Variants in CDK14 observed in about 807,000 individuals in gnomAD.
The protein encoded by CDK14 is cyclin-dependent kinase 14.
CDK14 carries 34 observed loss-of-function variants against 60.7 expected under a neutral mutation model. The observed-to-expected ratio is 0.56, with a 90% confidence interval of 0.43 to 0.75. The LOEUF (loss-of-function observed/expected upper bound fraction) is 0.75, where lower values mean the gene tolerates loss of function less well. Among genes scored for constraint, CDK14 ranks in the 30% least tolerant of loss-of-function variants. The pLI is 0.00. For missense variants in CDK14, 482 were observed against 564.1 expected (o/e 0.85, Z 1.47); for synonymous variants, 197 against 203.7 (o/e 0.97, Z 0.28).
intron 5 of CDK14, among the ~76,000 whole-genome samples, chr7:90,843,570 G>A (rs1790369884): frequency 6.6e-6 from 1 of 152,148 alleles, no homozygotes; most frequent in African/African-American, 2.4e-5. Context: ...ATCCTGGAAA[G>A]CACTTGATCT....
intron 14 of CDK14, among the ~76,000 whole-genome samples, chr7:91,177,499 A>T (rs964016830): frequency 6.6e-6 from 1 of 152,134 alleles, no homozygotes; most frequent in East Asian, 1.9e-4. Flanking sequence ...GTATTCAATT[A>T]GGAAAAGAGG....
At chr7:90,823,017 CA>C (rs953613227) in intron 5 of CDK14, among the ~76,000 whole-genome samples, 5 of 152,100 alleles carry the variant, frequency 3.3e-5, no homozygotes, top group Non-Finnish European at 7.4e-5. Flanking sequence ...ATAAACTCTT[CA>C]GTGAACAGGG....
chr7:91,043,096 G>A (rs964568022), intron 10 of CDK14, among the ~76,000 whole-genome samples: 1 of 152,186 alleles, frequency 6.6e-6, no homozygotes, highest in African/African-American at 2.4e-5. Context: ...AATTGAAAAA[G>A]AAAAGTCTAA....
chr7:90,809,797 A>G lies in CDK14; in HGVS notation c.544+19145A>G, dbSNP rs575223856. On this transcript the variant is annotated intron_variant, in intron 5 of 14. Coordinates refer to ENST00000380050, the MANE Select transcript of CDK14 (RefSeq NM_001287135.2). ...AAATGATAAAGGGGATATCACCACC[A>G]ATCCCACAGAAATGCAGACTACCAT... 1.3e-4 allele frequency among the ~76,000 whole-genome samples: 20 copies of G among 152,294 alleles called. No individual in the cohort carries two copies. The South Asian group carries it at 4.2e-3, about 32-fold the overall frequency.
chr7:91,110,895 T>C (rs1242132420), intron 12 of CDK14, among the ~76,000 whole-genome samples: 2 of 152,342 alleles, frequency 1.3e-5, no homozygotes, highest in East Asian at 3.9e-4. Flanking sequence ...GCGTTTGATT[T>C]TTTAAAAATA....
At chr7:90,665,015 C>T (rs1800946218) in intron 2 of CDK14, among the ~76,000 whole-genome samples, 1 of 152,102 alleles carries the variant, frequency 6.6e-6, no homozygotes, top group South Asian at 2.1e-4. Context: ...GGCAAGGTGG[C>T]TCACACCTGT....
intron 2 of CDK14, among the ~76,000 whole-genome samples, chr7:90,696,786 C>T (rs1368867423): frequency 6.6e-6 from 1 of 152,074 alleles, no homozygotes; most frequent in Non-Finnish European, 1.5e-5. Context: ...CCCAAGGTCC[C>T]CATCCTGGGA....
intron 14 of CDK14, among the ~76,000 whole-genome samples, chr7:91,143,950 T>A (rs1229999150): frequency 6.6e-6 from 1 of 152,136 alleles, no homozygotes; most frequent in Non-Finnish European, 1.5e-5. Flanking sequence ...TAGAAAGAGG[T>A]CATGTTGTTG....
intron 5 of CDK14, among the ~76,000 whole-genome samples, chr7:90,813,810 A>G (rs1789238141): frequency 6.6e-6 from 1 of 152,218 alleles, no homozygotes; most frequent in African/African-American, 2.4e-5. Flanking sequence ...CGAAGAATGT[A>G]AAACAAACAA....
chr7:90,885,529 C>G (rs1257392307), intron 6 of CDK14, among the ~76,000 whole-genome samples: 1 of 152,070 alleles, frequency 6.6e-6, no homozygotes, highest in Non-Finnish European at 1.5e-5. Context: ...GATCTAGAAC[C>G]AGAAGTACCA....
At chr7:91,129,797 G>C (rs1301979057) in intron 14 of CDK14, among the ~76,000 whole-genome samples, 3 of 152,136 alleles carry the variant, frequency 2.0e-5, no homozygotes, top group Non-Finnish European at 4.4e-5. Context: ...AATGAGATTG[G>C]TGGTAATATA....
chr7:90,786,564 A>T (rs1353479860), intron 4 of CDK14, among the ~76,000 whole-genome samples: 1 of 152,156 alleles, frequency 6.6e-6, no homozygotes, highest in East Asian at 1.9e-4. Context: ...TATCTTTAAA[A>T]ATTTCCATTT....
intron 9 of CDK14, among the ~76,000 whole-genome samples, chr7:90,959,378 A>G (rs1024667796): frequency 6.6e-6 from 1 of 152,144 alleles, no homozygotes; most frequent in African/African-American, 2.4e-5. Flanking sequence ...TTATTATCCT[A>G]TAAGTCAAAT....
intron 14 of CDK14, among the ~76,000 whole-genome samples, chr7:91,145,979 T>G (rs1373787020): frequency 6.6e-6 from 1 of 151,994 alleles, no homozygotes; most frequent in African/African-American, 2.4e-5. Context: ...GCATCACAGA[T>G]TAAATATCCT....
intron 10 of CDK14, among the ~76,000 whole-genome samples, chr7:91,005,454 C>A (rs1333055887): frequency 2.0e-5 from 3 of 152,236 alleles, no homozygotes; most frequent in Admixed American, 1.3e-4. Context: ...AACAGCATTA[C>A]ACGTAAGCAG....
chr7:90,917,804 G>T (rs78194207), intron 8 of CDK14, 80 bp downstream of exon 8: 3 of 1,398,166 alleles, frequency 2.1e-6, no homozygotes, highest in South Asian at 2.8e-5. Context: ...ATTTGTTTAG[G>T]TGCACTTCTT....
chr7:90,775,871 G>A (rs1192652027), intron 4 of CDK14, among the ~76,000 whole-genome samples: 1 of 148,394 alleles, frequency 6.7e-6, no homozygotes, highest in African/African-American at 2.5e-5. Context: ...TTTCTTCATA[G>A]TTTTCAGTGT....
chr7:91,142,121 G>A (rs1054436586), intron 14 of CDK14, among the ~76,000 whole-genome samples: 14 of 152,052 alleles, frequency 9.2e-5, no homozygotes, highest in African/African-American at 2.4e-4. Flanking sequence ...CACCATGCCC[G>A]GCCAACAGTG....
intron 9 of CDK14, among the ~76,000 whole-genome samples, chr7:90,980,795 T>TA (rs1473559032): frequency 6.6e-6 from 1 of 152,284 alleles, no homozygotes; most frequent in East Asian, 1.9e-4. Context: ...TAAGAGCTTA[T>TA]AAAAATGCTA....
Sources: allele counts gnomAD v4.1 joint callset (sites outside exome capture counted in the v4.1 genomes callset), GRCh38; gene constraint gnomAD v4.1.1; transcripts MANE v1.5; gene names NCBI Gene and HGNC (gene_info 2026-07-23, HGNC 2026-07-21).